ACAD8: variants seen among roughly 807,000 people sequenced by gnomAD.
ACAD8 encodes acyl-CoA dehydrogenase family member 8.
A neutral mutation model predicts 53.1 loss-of-function variants in ACAD8; 47 were observed. The ratio of observed to expected loss-of-function variants is 0.89; its 90% CI spans 0.70 to 1.13. The LOEUF is 1.13. Among genes scored for constraint, ACAD8 ranks in the 50% most tolerant of loss-of-function variants. The probability of loss-of-function intolerance (pLI) is 0.00; values close to 1 mark genes in which losing one functional copy is unlikely to be tolerated. For missense variants in ACAD8, 494 were observed against 535.0 expected (o/e 0.92, Z 0.76); for synonymous variants, 198 against 201.3 (o/e 0.98, Z 0.14).
chr11:134,256,735 A>G, intron 2 of ACAD8, 87 bp downstream of exon 2: 1 of 1,217,852 alleles, frequency 8.2e-7, no homozygotes, highest in Non-Finnish European at 1.2e-6. Context: ...GTAATTGTTA[A>G]ATGTCTCCTC....
Position 134,261,292 on chromosome 11 carries a change from G to T in ACAD8, c.859G>T (p.Ala287Ser). Residue 287 changes from alanine (A) to serine (S), a missense_variant, in exon 8 of 11, where the codon GCT becomes TCT. Coordinates refer to ENST00000281182, the MANE Select transcript of ACAD8 (RefSeq NM_014384.3). This position sits in a 1 kb window ranked among gnomAD's most constrained non-coding sequence, Gnocchi z 4.2. ...CCCTCTAGCTTCCTGCTCCCTGGGG[G>T]CTGCCCACGCCTCTGTCATCCTCAC... ...RINIASCSLG[A>S]AHASVILTRD... is the part of the protein sequence containing the mutation. 3 of 1,614,164 alleles carry T rather than the reference G, an allele frequency of 1.9e-6. No homozygotes were observed. Among genetic ancestry groups the T allele is most frequent in the Non-Finnish European group, 2.5e-6 (3 of 1,180,036 alleles).
rs111405246 is a variant in ACAD8, at chr11:134,262,498, T to C, written c.1093-22T>C. 8.8e-3 allele frequency: 13,787 copies of C among 1,562,376 alleles called. 1,036 individuals are homozygous for C. The African/African-American group carries it at 0.16, about 19-fold the overall frequency. ...CACAGTCTTCCCAGAGTCCAAGACG[T>C]CTAGTCCCTGTCTCCCTGCAGATCT... On this transcript the variant is annotated intron_variant, in intron 9 of 10. Coordinates refer to ENST00000281182, the MANE Select transcript of ACAD8 (RefSeq NM_014384.3).
chr11:134,259,222 C>A (rs1376658551), intron 5 of ACAD8, 138 bp downstream of exon 5: 1 of 788,350 alleles, frequency 1.3e-6, no homozygotes. Flanking sequence ...TGACCCATTT[C>A]TCTTTCTTTA....
chr11:134,255,491 C>G (rs1362048792), intron 1 of ACAD8, among the ~76,000 whole-genome samples: 1 of 152,202 alleles, frequency 6.6e-6, no homozygotes, highest in Non-Finnish European at 1.5e-5. Flanking sequence ...ACCCAATAAA[C>G]ATTCTTTTGG....
chr11:134,259,994 C>A lies in ACAD8; in HGVS notation c.705+249C>A, dbSNP rs1939789485. ...GCCACCTGTGAGTGTTCTGACCTCT[C>A]CTGCCTCTGCTTTTGGCCTGTGTTC... On this transcript the variant is annotated intron_variant, in intron 6 of 10. Coordinates refer to ENST00000281182, the MANE Select transcript of ACAD8 (RefSeq NM_014384.3). 6.0e-6 allele frequency: 8 copies of A among 1,330,626 alleles called. No individual in the cohort carries two copies. In the African/African-American group the frequency reaches 8.9e-5, roughly 15 times the overall value. The allele number at this position is 1,330,626 out of a possible 1,614,324, so 82.4% of individuals were successfully genotyped here.
At chr11:134,256,674 G>A (rs762589603) in intron 2 of ACAD8, 26 bp downstream of exon 2, 65 of 1,588,778 alleles carry the variant, frequency 4.1e-5, no homozygotes, top group Non-Finnish European at 5.4e-5. Context: ...GTGCTTAGAC[G>A]TTCTAACAAC....
At position 134,264,127 on chromosome 11, in the gene ACAD8, G is replaced by C. The variant is rs1056411777; in HGVS notation, c.1196-781G>C. On this transcript the variant is annotated intron_variant, in intron 10 of 10. Coordinates refer to ENST00000281182, the MANE Select transcript of ACAD8 (RefSeq NM_014384.3). ...TGGGAGGCTGAGGCGGGTGGATCGC[G>C]TGAGGCCAGGAGTTCGAGACCAGCT... 16 of 870,548 alleles carry C rather than the reference G, an allele frequency of 1.8e-5. No homozygotes were observed. In the South Asian group the frequency reaches 3.2e-4, roughly 17 times the overall value. 53.9% of individuals were successfully genotyped at this position (870,548 alleles called of 1,614,324 possible).
rs756015797 is a variant in ACAD8 at position 134,261,788 on chromosome 11, G to C, written c.990G>C (p.Arg330=). The change falls in exon 9 of 11, where the codon CGG becomes CGC. Residue 330 remains arginine (R), a synonymous_variant. Coordinates refer to ENST00000281182, the MANE Select transcript of ACAD8 (RefSeq NM_014384.3). The surrounding 1 kb of genome is among the most constrained non-coding windows in gnomAD (Gnocchi z 4.2). The part of the protein sequence containing the change: ...ADMATRLVAA[R]LMVRNAAVAL... ...TGGCAACAAGGCTGGTGGCCGCGCG[G>C]CTGATGGTCCGCAATGCAGCAGTGG... 2 of 1,614,182 alleles carry C rather than the reference G, an allele frequency of 1.2e-6. No individual in the cohort carries two copies. Among genetic ancestry groups the C allele is most frequent in the South Asian group, 2.2e-5 (2 of 91,088 alleles).
chr11:134,261,691 G>T lies in ACAD8; in HGVS notation c.940-47G>T, dbSNP rs758002010. 11 of 1,610,118 alleles carry T rather than the reference G, an allele frequency of 6.8e-6. No homozygotes were observed. The highest frequency in any genetic ancestry group is 6.7e-5 in the Admixed American group (4 of 59,938). ...ACCGAGGCTCCTGCACCAGGTGCTGGTCTAAGCCCCTCAGTCTTGTCTGGT... is the reference window on the plus strand; with the variant it reads ...ACCGAGGCTCCTGCACCAGGTGCTGTTCTAAGCCCCTCAGTCTTGTCTGGT... On this transcript the variant is annotated intron_variant, in intron 8 of 10. Transcript: ENST00000281182. This position sits in a 1 kb window ranked among gnomAD's most constrained non-coding sequence, Gnocchi z 4.2.
chr11:134,258,536 T>C lies in ACAD8; in HGVS notation c.402T>C (p.Asp134=), dbSNP rs779437942. ...TCAGCATGTGTGCCTGGATGATTGATAGCTTCGGAAATGAGGAACAGAGGC... is the reference window on the plus strand; with the variant it reads ...TCAGCATGTGTGCCTGGATGATTGACAGCTTCGGAAATGAGGAACAGAGGC... ...SIHNMCAWMI[D]SFGNEEQRHK... is the part of the protein sequence containing the mutation. Residue 134 remains aspartate, a synonymous_variant, in exon 4 of 11, where the codon GAT becomes GAC. Coordinates refer to ENST00000281182, the MANE Select transcript of ACAD8 (RefSeq NM_014384.3). 9 of 1,613,742 alleles carry C rather than the reference T, an allele frequency of 5.6e-6. No homozygotes were observed. The highest frequency in any genetic ancestry group is 7.6e-6 in the Non-Finnish European group (9 of 1,179,838).
intron 6 of ACAD8, chr11:134,259,981 T>C: frequency 7.3e-7 from 1 of 1,364,920 alleles, no homozygotes; most frequent in Non-Finnish European, 9.5e-7. Context: ...CACCTGTGAG[T>C]GTTCTGACCT....
At chr11:134,256,427 A>G (rs989252037) in intron 1 of ACAD8, 121 bp from the exon 2 acceptor site, 1 of 763,508 alleles carries the variant, frequency 1.3e-6, no homozygotes, top group Non-Finnish European at 2.3e-6. Flanking sequence ...TAAAGGCTAT[A>G]CCGTGTATGG....
At chr11:134,259,269 A>C (rs1939734988) in intron 5 of ACAD8, 185 bp downstream of exon 5, 1 of 720,126 alleles carries the variant, frequency 1.4e-6, no homozygotes, top group Admixed American at 2.0e-5. Flanking sequence ...CTGATTCCAG[A>C]TCATTTCGTT....
chr11:134,265,025 G>A lies in ACAD8; in HGVS notation c.*65G>A. 1 of 1,536,872 alleles carries A rather than the reference G, an allele frequency of 6.5e-7. No homozygotes were observed. Among genetic ancestry groups the A allele is most frequent in the Non-Finnish European group, 9.0e-7 (1 of 1,110,478 alleles). On this transcript the variant is annotated 3_prime_UTR_variant, in exon 11 of 11. Transcript: ENST00000281182. ...AGTCAGTGTTGAGTGGTGCCATGTG[G>A]GCCGCTCTATTCCAAAGGAATCATG...
intron 3 of ACAD8, 171 bp from the exon 4 acceptor site, chr11:134,258,344 T>G: frequency 1.5e-6 from 1 of 663,500 alleles, no homozygotes; most frequent in South Asian, 1.7e-5. Context: ...GGAATATGTT[T>G]TAATCCACCG....
At position 134,258,578 on chromosome 11, in the gene ACAD8, G is replaced by T. The variant is rs572820646; in HGVS notation, c.444G>T (p.Pro148=). The T allele has an allele frequency of 1.2e-4, 193 of 1,613,936 alleles. No individual in the cohort carries two copies. Among genetic ancestry groups the T allele is most frequent in the Non-Finnish European group, 1.4e-4 (160 of 1,179,972 alleles). Residue 148 remains proline, a synonymous_variant, in exon 4 of 11, where the codon CCG becomes CCT. Coordinates refer to ENST00000281182, the MANE Select transcript of ACAD8 (RefSeq NM_014384.3). The part of the protein sequence containing the change: ...NEEQRHKFCP[P]LCTMEKFASY... ...AACAGAGGCACAAATTTTGCCCACC[G>T]CTCTGTACCATGGAGAAGTTTGCTT...
chr11:134,254,568 G>T (rs1469150651), intron 1 of ACAD8, among the ~76,000 whole-genome samples: 1 of 152,146 alleles, frequency 6.6e-6, no homozygotes. Context: ...GATCTATAAA[G>T]TACAGTAAGG....
At chr11:134,255,010 T>C (rs1454915780) in intron 1 of ACAD8, among the ~76,000 whole-genome samples, 1 of 152,256 alleles carries the variant, frequency 6.6e-6, no homozygotes, top group African/African-American at 2.4e-5. Context: ...CTCAGATTTA[T>C]TTCTTAAGCC....
intron 10 of ACAD8, chr11:134,263,912 T>G: frequency 1.0e-6 from 1 of 985,450 alleles, no homozygotes; most frequent in Non-Finnish European, 1.2e-6. Flanking sequence ...GGTTTATATT[T>G]CTTTTTGCAT....
Sources: gnomAD v4.1 joint callset for allele counts (sites outside exome capture counted in the v4.1 genomes callset) on GRCh38, gnomAD v4.1.1 for gene constraint, Gnocchi (gnomAD v3.1) non-coding constraint, MANE v1.5 for transcripts, NCBI Gene and HGNC (gene_info 2026-07-23, HGNC 2026-07-21) for gene names.